Variants in GHR observed in about 807,000 individuals in gnomAD.
GHR encodes the protein growth hormone receptor.
A neutral mutation model predicts 67.1 loss-of-function variants in GHR; 35 were observed. The ratio of observed to expected loss-of-function variants is 0.52; its 90% CI spans 0.40 to 0.69. GHR has a LOEUF of 0.69. Ranked by LOEUF, GHR falls within the 30% of genes least tolerant of loss-of-function variation. The pLI, the probability that GHR is intolerant of heterozygous loss-of-function variation, is 0.00. For missense variants in GHR, 792 were observed against 764.6 expected, an observed-to-expected ratio of 1.04 and a Z score of -0.42; for synonymous variants, 272 against 269.1, an observed-to-expected ratio of 1.01 and a Z score of -0.10.
chr5:42,430,258 T>C (rs1195026829), intron 1 of GHR, among the ~76,000 whole-genome samples: 1 of 152,164 alleles, frequency 6.6e-6, no homozygotes. Flanking sequence ...TGTGACTGAT[T>C]TCTCTTTTAT....
At chr5:42,544,896 T>A (rs1748670933) in intron 1 of GHR, among the ~76,000 whole-genome samples, 1 of 152,188 alleles carries the variant, frequency 6.6e-6, no homozygotes, top group African/African-American at 2.4e-5. Flanking sequence ...TGAATTAAAT[T>A]TGATATTCAC....
chr5:42,609,702 G>C (rs777134501), intron 2 of GHR, among the ~76,000 whole-genome samples: 11 of 152,160 alleles, frequency 7.2e-5, no homozygotes, highest in Non-Finnish European at 1.2e-4. Flanking sequence ...AGTAAAGTGG[G>C]AGAACACGAA....
At chr5:42,528,204 T>C (rs1034718445) in intron 1 of GHR, among the ~76,000 whole-genome samples, 1 of 152,134 alleles carries the variant, frequency 6.6e-6, no homozygotes, top group Non-Finnish European at 1.5e-5. Flanking sequence ...ATAGTTGCCA[T>C]AGATAGTCAT....
chr5:42,436,081 C>A (rs1291729557), intron 1 of GHR, among the ~76,000 whole-genome samples: 2 of 152,052 alleles, frequency 1.3e-5, no homozygotes, highest in Non-Finnish European at 2.9e-5. Flanking sequence ...AAACAGGACC[C>A]CCTAAATCAT....
In GHR at chr5:42,551,900, T is replaced by C. The variant is rs79668958; in HGVS notation, c.-11-13964T>C. On this transcript the variant is annotated intron_variant, in intron 1 of 9. Coordinates refer to ENST00000230882, the MANE Select transcript of GHR (RefSeq NM_000163.5). ...AACATGATCACAAGTGGTTGAAAAG[T>C]TAAAATGTTATTCATATAGCTTTCC... 9.3e-4 allele frequency among the ~76,000 whole-genome samples: 141 copies of C among 152,300 alleles called. 1 individual carries two copies. Among genetic ancestry groups the C allele is most frequent in the Admixed American group, 3.7e-3 (57 of 15,296 alleles).
chr5:42,593,808 T>C (rs1187852377), intron 2 of GHR, among the ~76,000 whole-genome samples: 2 of 152,222 alleles, frequency 1.3e-5, no homozygotes, highest in East Asian at 1.9e-4. Context: ...GGCTCTGGAA[T>C]AGTGATGACA....
At chr5:42,463,862 G>C (rs376392992) in intron 1 of GHR, among the ~76,000 whole-genome samples, 1 of 148,682 alleles carries the variant, frequency 6.7e-6, no homozygotes, top group East Asian at 2.0e-4. Context: ...GCGTAGTGGT[G>C]GGCGCCTGTA....
intron 2 of GHR, among the ~76,000 whole-genome samples, chr5:42,614,669 C>A (rs1753057565): frequency 7.5e-6 from 1 of 132,616 alleles, no homozygotes; most frequent in Non-Finnish European, 1.5e-5. Context: ...ACTGCTGTTT[C>A]AACATTTCTG....
At chr5:42,479,801 A>G (rs1237058261) in intron 1 of GHR, among the ~76,000 whole-genome samples, 1 of 151,966 alleles carries the variant, frequency 6.6e-6, no homozygotes, top group Non-Finnish European at 1.5e-5. Flanking sequence ...TCTTGCTAGC[A>G]TTCTATCAAT....
rs368538440 is a variant in GHR, at chr5:42,599,602, AC to A, written c.71-29429del. On this transcript the variant is annotated intron_variant, in intron 2 of 9. Transcript: ENST00000230882. ...TCTTGAACTCCTGACCTCGTGATCC[AC>A]CCCCCCGCCTCTTGGCCTCCCAAAG... Among the ~76,000 whole-genome samples, 3 of 149,414 alleles carry A rather than the reference AC, an allele frequency of 2.0e-5. 1 individual carries two copies. Among genetic ancestry groups the A allele is most frequent in the African/African-American group, 7.4e-5 (3 of 40,566 alleles).
chr5:42,580,148 A>C (rs566410417), intron 2 of GHR, among the ~76,000 whole-genome samples: 2 of 152,146 alleles, frequency 1.3e-5, no homozygotes, highest in Non-Finnish European at 2.9e-5. Context: ...ATCTGGGTTG[A>C]TCTGGTTGCC....
chr5:42,540,731 C>T (rs1748471002), intron 1 of GHR, among the ~76,000 whole-genome samples: 2 of 148,568 alleles, frequency 1.3e-5, no homozygotes, highest in African/African-American at 2.5e-5. Flanking sequence ...GCAGTTGTTT[C>T]TTAATGCAGC....
intron 3 of GHR, among the ~76,000 whole-genome samples, chr5:42,681,797 G>T (rs1426574457): frequency 1.3e-5 from 2 of 151,910 alleles, no homozygotes; most frequent in East Asian, 3.9e-4. Flanking sequence ...TTAGGCAGGC[G>T]CAGTGGCGGG....
At chr5:42,521,036 T>C (rs1747451964) in intron 1 of GHR, among the ~76,000 whole-genome samples, 1 of 152,206 alleles carries the variant, frequency 6.6e-6, no homozygotes, top group African/African-American at 2.4e-5. Context: ...TAGATGCCAG[T>C]TCCATGAAGT....
intron 1 of GHR, among the ~76,000 whole-genome samples, chr5:42,451,048 C>T (rs1004707515): frequency 3.9e-5 from 6 of 152,112 alleles, no homozygotes; most frequent in African/African-American, 1.4e-4. Flanking sequence ...AGTGGCCTAT[C>T]ATATGGTCTG....
chr5:42,633,190 A>C (rs1754013420), intron 3 of GHR, among the ~76,000 whole-genome samples: 1 of 152,150 alleles, frequency 6.6e-6, no homozygotes, highest in Non-Finnish European at 1.5e-5. Flanking sequence ...TATTCCTATA[A>C]AAGTGTAAAT....
intron 1 of GHR, among the ~76,000 whole-genome samples, chr5:42,530,274 A>G (rs559256163): frequency 6.6e-6 from 1 of 152,266 alleles, no homozygotes; most frequent in South Asian, 2.1e-4. Flanking sequence ...ATTCTGAGAA[A>G]GAAGAAAAAT....
At chr5:42,531,340 C>A (rs996605146) in intron 1 of GHR, among the ~76,000 whole-genome samples, 1 of 151,876 alleles carries the variant, frequency 6.6e-6, no homozygotes, top group Non-Finnish European at 1.5e-5. Context: ...TCAGCTGGGG[C>A]TTCTGAGTCA....
chr5:42,549,741 C>T, intron 1 of GHR: 1 of 793,654 alleles, frequency 1.3e-6, no homozygotes, highest in Non-Finnish European at 1.5e-6. Context: ...GGATGTACCT[C>T]TCTAAAAGTA....
Sources: gnomAD v4.1 joint callset for allele counts (sites outside exome capture counted in the v4.1 genomes callset) on GRCh38, gnomAD v4.1.1 for gene constraint, MANE v1.5 for transcripts, NCBI Gene and HGNC (gene_info 2026-07-23, HGNC 2026-07-21) for gene names.